Variants in SRPK1 observed in about 807,000 individuals in gnomAD.
SRPK1 encodes SRSF protein kinase 1, also known as SFRS protein kinase 1.
SRPK1 carries 52 observed loss-of-function variants against 89.5 expected under a neutral mutation model. The ratio of observed to expected loss-of-function variants is 0.58; its 90% CI spans 0.46 to 0.73. The LOEUF is 0.73. Ranked by LOEUF, SRPK1 falls within the 30% of genes least tolerant of loss-of-function variation. The pLI is 0.00. For missense variants in SRPK1, 603 were observed against 780.6 expected, an observed-to-expected ratio of 0.77 and a Z score of 2.71; for synonymous variants, 255 against 270.2, an observed-to-expected ratio of 0.94 and a Z score of 0.55.
At chr6:35,893,927 C>T (rs1293487694) in intron 2 of SRPK1, among the ~76,000 whole-genome samples, 1 of 152,008 alleles carries the variant, frequency 6.6e-6, no homozygotes, top group African/African-American at 2.4e-5. Context: ...GTGAGAATTG[C>T]TTGAATCCGG....
Position 35,921,079 on chromosome 6 carries a change from C to A in SRPK1, c.-23G>T. The A allele has an allele frequency of 6.6e-7, 1 of 1,505,534 alleles. No homozygotes were observed. The highest frequency in any genetic ancestry group is 8.9e-7 in the Non-Finnish European group (1 of 1,125,372). The allele number at this position is 1,505,534 out of a possible 1,614,324, so 93.3% of individuals were successfully genotyped here. ...CATGGTGAGACCGGTAATCGCCAGG[C>A]GCCTGCGCACTCGAGTGGCGGCGAC... On this transcript the variant is annotated 5_prime_UTR_variant, in exon 1 of 16. Coordinates refer to ENST00000373825, the MANE Select transcript of SRPK1 (RefSeq NM_003137.5).
chr6:35,838,926 C>A, intron 14 of SRPK1: 2 of 1,010,010 alleles, frequency 2.0e-6, no homozygotes, highest in African/African-American at 1.7e-5. Context: ...TGAAGGAAGA[C>A]TGACTGGGAA....
chr6:35,870,524 T>C, intron 9 of SRPK1, 30 bp from the exon 10 acceptor site: 4 of 1,527,366 alleles, frequency 2.6e-6, no homozygotes, highest in Non-Finnish European at 3.5e-6. Context: ...AGATAAAGCC[T>C]TCAGGTGGCT....
chr6:35,906,118 T>C (rs1238593405), intron 2 of SRPK1, among the ~76,000 whole-genome samples: 1 of 151,880 alleles, frequency 6.6e-6, no homozygotes, highest in Admixed American at 6.6e-5. Flanking sequence ...ATCAAAGACA[T>C]CTCAGGTTGA....
intron 6 of SRPK1, among the ~76,000 whole-genome samples, chr6:35,876,085 T>TAAAAAAAAA (rs34493292): frequency 3.9e-5 from 3 of 77,650 alleles, no homozygotes; most frequent in Non-Finnish European, 4.8e-5. Context: ...ATTCTTAAAT[T>TAAAAAAAAA]AAAAAAAAAA....
intron 12 of SRPK1, among the ~76,000 whole-genome samples, chr6:35,859,153 A>T (rs1428836006): frequency 6.6e-6 from 1 of 152,186 alleles, no homozygotes; most frequent in Non-Finnish European, 1.5e-5. Context: ...ATTAGATTAC[A>T]TTGGGGAAAT....
intron 12 of SRPK1, among the ~76,000 whole-genome samples, chr6:35,860,731 G>A (rs578098776): frequency 8.3e-4 from 127 of 152,226 alleles, no homozygotes; most frequent in African/African-American, 2.9e-3. Context: ...TATAATATTA[G>A]ATTGTGTTAA....
At chr6:35,886,869 G>A (rs1770420130) in intron 5 of SRPK1, 58 bp from the exon 6 acceptor site, 1 of 937,572 alleles carries the variant, frequency 1.1e-6, no homozygotes, top group Non-Finnish European at 1.7e-6. Flanking sequence ...TAAACCAGAT[G>A]GTAGGGGAAG....
At chr6:35,906,150 C>T (rs550512465) in intron 2 of SRPK1, among the ~76,000 whole-genome samples, 28 of 151,892 alleles carry the variant, frequency 1.8e-4, no homozygotes, top group Non-Finnish European at 3.7e-4. Flanking sequence ...TCAGGAGATA[C>T]CATGAAAAAA....
chr6:35,894,921 A>T (rs1366940383), intron 2 of SRPK1, among the ~76,000 whole-genome samples: 1 of 152,236 alleles, frequency 6.6e-6, no homozygotes, highest in African/African-American at 2.4e-5. Flanking sequence ...TCTGTTTTAC[A>T]GATCAAAAAC....
At chr6:35,880,736 A>G in intron 6 of SRPK1, among the ~76,000 whole-genome samples, 1 of 40,524 alleles carries the variant, frequency 2.5e-5, no homozygotes, top group Non-Finnish European at 4.1e-5. Flanking sequence ...AAAAAAAAAG[A>G]AAAAAAAAAA....
Position 35,834,512 on chromosome 6 carries a change from A to T in SRPK1, c.*792T>A, listed in dbSNP as rs1282201672. 2.0e-5 allele frequency: 3 copies of T among 152,238 alleles called. No homozygotes were observed. The highest frequency in any genetic ancestry group is 4.4e-5 in the Non-Finnish European group (3 of 68,056). 9.4% of individuals were successfully genotyped at this position (152,238 alleles called of 1,614,324 possible). A position where few individuals can be genotyped will look rare whatever the true frequency, so the allele number is the denominator to read the frequency against. ...CCAGCCATGGATACAAAAACAAAAA[A>T]TAAAACAAAACAACCAACCAAAATA... On this transcript the variant is annotated 3_prime_UTR_variant, in exon 16 of 16. Coordinates refer to ENST00000373825, the MANE Select transcript of SRPK1 (RefSeq NM_003137.5).
intron 3 of SRPK1, among the ~76,000 whole-genome samples, 184 bp from the exon 4 acceptor site, chr6:35,889,107 T>C (rs1446339537): frequency 1.3e-5 from 2 of 152,168 alleles, no homozygotes; most frequent in Admixed American, 6.5e-5. Context: ...TATTACTGAA[T>C]TCATGTTATT....
rs972760757 is a variant in SRPK1 at position 35,914,954 on chromosome 6, A to G, written c.74+5514T>C. Among the ~76,000 whole-genome samples, 8 of 152,154 alleles carry G rather than the reference A, an allele frequency of 5.3e-5. 1 individual carries two copies. Among genetic ancestry groups the G allele is most frequent in the Admixed American group, 5.2e-4 (8 of 15,276 alleles). The stretch of plus-strand genomic sequence containing the variant: ...GCTGGGATTACAGGCACCTGCCACC[A>G]CACCTGGCTAATTTTTGTATTTCCA... On this transcript the variant is annotated intron_variant, in intron 2 of 15. Transcript: ENST00000373825.
At chr6:35,859,942 T>C (rs916900675) in intron 12 of SRPK1, among the ~76,000 whole-genome samples, 1 of 151,608 alleles carries the variant, frequency 6.6e-6, no homozygotes, top group Admixed American at 6.6e-5. Flanking sequence ...CACTGCAAGC[T>C]CTGCCTCCTG....
intron 4 of SRPK1, 38 bp downstream of exon 4, chr6:35,888,777 C>T: frequency 7.8e-7 from 1 of 1,286,492 alleles, no homozygotes; most frequent in Non-Finnish European, 1.1e-6. Context: ...ATTTAGACAT[C>T]ATCTAACTAA....
At chr6:35,860,043 T>C (rs544632590) in intron 12 of SRPK1, among the ~76,000 whole-genome samples, 3 of 152,068 alleles carry the variant, frequency 2.0e-5, no homozygotes, top group Admixed American at 6.6e-5. Flanking sequence ...TTTTTGTATT[T>C]TTAGTAGAGA....
chr6:35,836,304 T>A (rs9470123), intron 15 of SRPK1, among the ~76,000 whole-genome samples: 1 of 151,436 alleles, frequency 6.6e-6, no homozygotes, highest in Admixed American at 6.6e-5. Context: ...CCCCATCCAT[T>A]GAAAAACTGT....
At chr6:35,898,571 T>G (rs531755588) in intron 2 of SRPK1, among the ~76,000 whole-genome samples, 51 of 152,222 alleles carry the variant, frequency 3.4e-4, no homozygotes, top group African/African-American at 1.2e-3. Flanking sequence ...ACAAGTTAAT[T>G]TATCACAAAA....
Sources: allele counts gnomAD v4.1 joint callset (sites outside exome capture counted in the v4.1 genomes callset), GRCh38; gene constraint gnomAD v4.1.1; transcripts MANE v1.5; gene names NCBI Gene and HGNC (gene_info 2026-07-23, HGNC 2026-07-21).